Variants in SUGCT observed in about 807,000 individuals in gnomAD.
The protein encoded by SUGCT is succinyl-CoA:glutarate CoA-transferase.
Under a neutral mutation model 55.0 loss-of-function variants are expected in SUGCT, and 41 were observed. The ratio of observed to expected loss-of-function variants is 0.74; its 90% CI spans 0.58 to 0.97. The LOEUF (loss-of-function observed/expected upper bound fraction) is 0.97. Among genes scored for constraint, SUGCT ranks in the 50% least tolerant of loss-of-function variants. The probability of loss-of-function intolerance (pLI) is 0.00; values close to 1 mark genes in which losing one functional copy is unlikely to be tolerated. For synonymous variants in SUGCT, 187 were observed against 200.4 expected (o/e 0.93, Z 0.56); for missense variants, 568 against 547.8 (o/e 1.04, Z -0.37).
rs990506402 is a variant in SUGCT, at chr7:40,762,560, G to C, written c.1153+13063G>C. 7.9e-5 allele frequency among the ~76,000 whole-genome samples: 12 copies of C among 152,246 alleles called. No individual in the cohort carries two copies. In the Middle Eastern group the frequency reaches 0.017, roughly 216 times the overall value. ...AGGGGTGATTTGGCTGCCATGATAC[G>C]GAGAAATCAGTTGTGTTATTTGGAT... is the stretch of plus-strand genomic sequence containing the variant. On this transcript the variant is annotated intron_variant, in intron 13 of 13. Transcript: ENST00000335693.
chr7:40,859,158 C>G (rs1794352127), intron 13 of SUGCT, among the ~76,000 whole-genome samples: 1 of 152,126 alleles, frequency 6.6e-6, no homozygotes, highest in Admixed American at 6.5e-5. Flanking sequence ...TCTCCTGAAG[C>G]CTAATCAAAT....
the SUGCT span, among the ~76,000 whole-genome samples, chr7:40,873,216 C>T: frequency 6.6e-6 from 1 of 152,186 alleles, no homozygotes; most frequent in Non-Finnish European, 1.5e-5. Context: ...GACCAAAAAA[C>T]TTACCAATGA....
the SUGCT span, among the ~76,000 whole-genome samples, chr7:40,982,456 G>T: frequency 1.3e-5 from 2 of 152,116 alleles, no homozygotes; most frequent in Admixed American, 1.3e-4. Flanking sequence ...GGGTTCATCT[G>T]CTCAGGCTGT....
the SUGCT span, among the ~76,000 whole-genome samples, chr7:40,948,013 A>G: frequency 4.6e-5 from 7 of 152,176 alleles, no homozygotes; most frequent in Non-Finnish European, 8.8e-5. Context: ...GCCTCTATTG[A>G]CAATTTGATT....
intron 11 of SUGCT, among the ~76,000 whole-genome samples, chr7:40,464,220 T>C (rs188735420): frequency 4.3e-4 from 66 of 152,366 alleles, no homozygotes; most frequent in African/African-American, 9.6e-4. Context: ...ATTGACTGTG[T>C]ACCATTGTCC....
In SUGCT at chr7:40,246,530, T is replaced by C. The variant is rs559056023; in HGVS notation, c.576+8804T>C. ...CCTCCCAAAGTGCTGGGATTACAGA[T>C]GTGAGCCACCTCACCCGGCCTAGTG... On this transcript the variant is annotated intron_variant, in intron 7 of 13. Transcript: ENST00000335693. 9.2e-5 allele frequency among the ~76,000 whole-genome samples: 14 copies of C among 151,568 alleles called. 1 individual carries two copies. Among genetic ancestry groups the C allele is most frequent in the Admixed American group, 6.6e-4 (10 of 15,178 alleles).
chr7:40,646,209 T>C (rs981712398), intron 12 of SUGCT, among the ~76,000 whole-genome samples: 4 of 152,202 alleles, frequency 2.6e-5, no homozygotes, highest in Non-Finnish European at 5.9e-5. Context: ...AAAGCTCAAA[T>C]GCTTCCAATT....
intron 12 of SUGCT, among the ~76,000 whole-genome samples, chr7:40,634,283 C>G (rs1438932848): frequency 1.3e-5 from 2 of 152,236 alleles, no homozygotes; most frequent in Non-Finnish European, 2.9e-5. Flanking sequence ...GGGAGCTAAT[C>G]TAACCCTTAT....
chr7:40,504,236 T>C (rs1243649001), intron 12 of SUGCT, among the ~76,000 whole-genome samples: 2 of 151,006 alleles, frequency 1.3e-5, no homozygotes, highest in Non-Finnish European at 2.9e-5. Flanking sequence ...TAGACCTTCT[T>C]CTTTTTTAAA....
chr7:41,006,204 A>T, the SUGCT span, among the ~76,000 whole-genome samples: 1 of 152,218 alleles, frequency 6.6e-6, no homozygotes, highest in Admixed American at 6.5e-5. Flanking sequence ...TCAGCAAGAG[A>T]ACCTGATCTC....
intron 9 of SUGCT, among the ~76,000 whole-genome samples, chr7:40,444,233 A>G (rs1424074783): frequency 6.6e-6 from 1 of 152,150 alleles, no homozygotes; most frequent in African/African-American, 2.4e-5. Context: ...TATGAACTTT[A>G]AAGTAGTTTT....
At chr7:41,011,890 TG>T in the SUGCT span, among the ~76,000 whole-genome samples, 4,434 of 152,256 alleles carry the variant, frequency 0.029, 218 homozygotes, top group African/African-American at 0.1. Context: ...CGAATCAGCT[TG>T]TTTTTTTCTT....
chr7:40,969,639 G>A, the SUGCT span, among the ~76,000 whole-genome samples: 1 of 152,190 alleles, frequency 6.6e-6, no homozygotes, highest in Non-Finnish European at 1.5e-5. Flanking sequence ...TTACAGGCAT[G>A]AGCCGCTGCA....
intron 11 of SUGCT, among the ~76,000 whole-genome samples, chr7:40,469,134 T>C (rs1357332530): frequency 6.6e-6 from 1 of 152,224 alleles, no homozygotes; most frequent in African/African-American, 2.4e-5. Flanking sequence ...TGGTTTAATA[T>C]TCTTTTTTCC....
intron 9 of SUGCT, among the ~76,000 whole-genome samples, chr7:40,346,721 G>C (rs543460898): frequency 3.3e-4 from 51 of 152,266 alleles, no homozygotes; most frequent in African/African-American, 1.2e-3. Context: ...TTCTAAGGAA[G>C]TAATTATGGT....
At chr7:40,219,904 TA>T (rs1310370771) in intron 6 of SUGCT, among the ~76,000 whole-genome samples, 2 of 152,192 alleles carry the variant, frequency 1.3e-5, no homozygotes, top group African/African-American at 4.8e-5. Context: ...AAGTGTCAAT[TA>T]ATTAGAAGCT....
At chr7:40,181,741 G>A (rs1423816677) in intron 2 of SUGCT, among the ~76,000 whole-genome samples, 17 of 136,072 alleles carry the variant, frequency 1.2e-4, no homozygotes, top group Admixed American at 3.2e-4. Context: ...GCGAGACTCC[G>A]TCTCCAAAAA....
At chr7:40,640,603 G>A (rs1301718732) in intron 12 of SUGCT, among the ~76,000 whole-genome samples, 1 of 152,128 alleles carries the variant, frequency 6.6e-6, no homozygotes, top group Non-Finnish European at 1.5e-5. Context: ...TGTTTCCTGA[G>A]ATTGAAAAAT....
chr7:41,030,937 A>G, the SUGCT span, among the ~76,000 whole-genome samples: 2 of 152,174 alleles, frequency 1.3e-5, no homozygotes, highest in Non-Finnish European at 2.9e-5. Context: ...TAGATAATGT[A>G]GTAGGAACCA....
Sources: allele counts gnomAD v4.1 joint callset (sites outside exome capture counted in the v4.1 genomes callset), GRCh38; gene constraint gnomAD v4.1.1; transcripts MANE v1.5; gene names NCBI Gene and HGNC (gene_info 2026-07-23, HGNC 2026-07-21).